DLGAP1: variants seen among roughly 807,000 people sequenced by gnomAD.
DLGAP1 encodes the protein disks large-associated protein 1.
Under a neutral mutation model 90.8 loss-of-function variants are expected in DLGAP1, and 11 were observed. That is an observed-to-expected ratio of 0.12 (90% CI 0.08 to 0.20). The LOEUF is 0.20. Ranked by LOEUF, DLGAP1 falls within the 10% of genes least tolerant of loss-of-function variation. The pLI is 1.00. For missense variants in DLGAP1, 1,050 were observed against 1,333.8 expected, an observed-to-expected ratio of 0.79 and a Z score of 3.31; for synonymous variants, 558 against 540.7, an observed-to-expected ratio of 1.03 and a Z score of -0.44.
intron 1 of DLGAP1, among the ~76,000 whole-genome samples, chr18:4,345,243 C>A (rs1387745904): frequency 6.6e-6 from 1 of 152,072 alleles, no homozygotes; most frequent in African/African-American, 2.4e-5. Context: ...CCAAGGATTC[C>A]CTACACTAAC....
chr18:3,955,583 G>A (rs1415342236), intron 3 of DLGAP1, among the ~76,000 whole-genome samples: 1 of 152,108 alleles, frequency 6.6e-6, no homozygotes, highest in Non-Finnish European at 1.5e-5. Flanking sequence ...ATGTGGTGGT[G>A]CATGCCTGTA....
intron 3 of DLGAP1, among the ~76,000 whole-genome samples, chr18:3,914,297 C>T (rs768514718): frequency 2.6e-5 from 4 of 152,190 alleles, no homozygotes; most frequent in East Asian, 1.9e-4. Context: ...TAAGTGAGGT[C>T]GTGCAGTATT....
At chr18:3,698,896 T>C (rs922497097) in intron 7 of DLGAP1, among the ~76,000 whole-genome samples, 3 of 152,098 alleles carry the variant, frequency 2.0e-5, no homozygotes, top group Admixed American at 6.5e-5. Context: ...TAAGTTGATC[T>C]TCAATCTCTG....
chr18:3,890,814 G>C (rs2071440338), intron 3 of DLGAP1, among the ~76,000 whole-genome samples: 2 of 152,154 alleles, frequency 1.3e-5, no homozygotes, highest in East Asian at 1.9e-4. Context: ...CTGCAGACTT[G>C]AACTCCTGGG....
chr18:4,313,498 T>C (rs930356101), intron 1 of DLGAP1, among the ~76,000 whole-genome samples: 2 of 152,188 alleles, frequency 1.3e-5, no homozygotes, highest in East Asian at 3.8e-4. Flanking sequence ...ATGCTTATTC[T>C]TGTGAATAGG....
chr18:4,241,349 T>C (rs2078529468), intron 1 of DLGAP1, among the ~76,000 whole-genome samples: 1 of 152,194 alleles, frequency 6.6e-6, no homozygotes, highest in Non-Finnish European at 1.5e-5. Context: ...ATGCTGATGC[T>C]ATTATCTGAG....
chr18:4,121,291 G>C (rs2076149566), intron 2 of DLGAP1, among the ~76,000 whole-genome samples: 1 of 152,148 alleles, frequency 6.6e-6, no homozygotes, highest in Admixed American at 6.5e-5. Context: ...TGATGTAGAG[G>C]AGGTAATGCT....
rs570420618 is a variant in DLGAP1, at chr18:3,990,583, T to C, written c.-73+14533A>G. On this transcript the variant is annotated intron_variant, in intron 3 of 12. Coordinates refer to ENST00000315677, the MANE Select transcript of DLGAP1 (RefSeq NM_004746.4). The stretch of plus-strand genomic sequence containing the variant: ...CACCAACATGGCACATGTATACATA[T>C]GTAACAAACCTGCACGTTGTGCACA... 1.5e-4 allele frequency among the ~76,000 whole-genome samples: 23 copies of C among 150,080 alleles called. No homozygotes were observed. In the East Asian group the frequency reaches 2.9e-3, roughly 19 times the overall value.
chr18:4,430,502 C>CTGTGTGTGTGTGTGAGTGTGTGTG (rs2083263203), intron 1 of DLGAP1: 1 of 142,550 alleles, frequency 7.0e-6, no homozygotes, highest in South Asian at 2.4e-4. Context: ...TCTTGTGTGT[C>CTGTGTGTGTGTGTGAGTGTGTGTG]TGTGTGTGTG....
At chr18:4,177,182 T>G (rs2077123332) in intron 1 of DLGAP1, among the ~76,000 whole-genome samples, 1 of 152,164 alleles carries the variant, frequency 6.6e-6, no homozygotes, top group Non-Finnish European at 1.5e-5. Flanking sequence ...AGCTAGTGAC[T>G]GTTTGATTCT....
intron 10 of DLGAP1, among the ~76,000 whole-genome samples, chr18:3,532,578 CAA>C (rs376318276): frequency 3.5e-5 from 3 of 86,326 alleles, no homozygotes; most frequent in Non-Finnish European, 2.4e-5. Flanking sequence ...AACTCCATCT[CAA>C]AAAAAAAAAA....
chr18:4,421,545 A>G (rs772509159), intron 1 of DLGAP1, among the ~76,000 whole-genome samples: 13 of 152,166 alleles, frequency 8.5e-5, no homozygotes, highest in Admixed American at 1.3e-4. Context: ...GCACTCTGTC[A>G]TATATTTAAA....
intron 7 of DLGAP1, among the ~76,000 whole-genome samples, chr18:3,702,778 G>T (rs944900063): frequency 7.9e-5 from 12 of 152,160 alleles, no homozygotes; most frequent in Non-Finnish European, 1.5e-4. Context: ...AAAAGTCAGG[G>T]CAGCCCAGTG....
intron 7 of DLGAP1, among the ~76,000 whole-genome samples, chr18:3,669,983 C>G (rs1292495373): frequency 6.6e-6 from 1 of 152,134 alleles, no homozygotes; most frequent in Non-Finnish European, 1.5e-5. Flanking sequence ...GTATGCTCCC[C>G]TAGAGGTATG....
intron 6 of DLGAP1, among the ~76,000 whole-genome samples, chr18:3,741,847 C>G (rs12956724): frequency 7.0e-6 from 1 of 142,604 alleles, no homozygotes; most frequent in Non-Finnish European, 1.5e-5. Context: ...TTTTCTTTTT[C>G]TTTTTTTTTA....
intron 1 of DLGAP1, among the ~76,000 whole-genome samples, chr18:4,446,528 A>G (rs280976): frequency 0.74 from 112,790 of 151,966 alleles, 43,665 homozygotes; most frequent in East Asian, 0.99. Context: ...GACTAAGAGA[A>G]GATGGGTGTT....
chr18:3,581,259 G>T (rs552484275), intron 8 of DLGAP1, among the ~76,000 whole-genome samples: 9 of 152,290 alleles, frequency 5.9e-5, no homozygotes, highest in African/African-American at 2.2e-4. Flanking sequence ...AGTCTGGTTT[G>T]GTGAGGCCCT....
At chr18:4,444,046 G>A (rs376918782) in intron 1 of DLGAP1, among the ~76,000 whole-genome samples, 3 of 152,122 alleles carry the variant, frequency 2.0e-5, no homozygotes, top group East Asian at 1.9e-4. Context: ...TGGGTTAACC[G>A]AACACACACA....
At chr18:4,037,437 T>G (rs2074907086) in intron 2 of DLGAP1, among the ~76,000 whole-genome samples, 1 of 152,228 alleles carries the variant, frequency 6.6e-6, no homozygotes, top group Non-Finnish European at 1.5e-5. Flanking sequence ...ATCTTAAAAC[T>G]TCTTAGACTT....
Sources: allele counts gnomAD v4.1 joint callset (sites outside exome capture counted in the v4.1 genomes callset), GRCh38; gene constraint gnomAD v4.1.1; transcripts MANE v1.5; gene names NCBI Gene and HGNC (gene_info 2026-07-23, HGNC 2026-07-21).